The following ATP7B variants were observed in gnomAD, a reference collection of about 807,000 sequenced individuals.
ATP7B encodes copper-transporting ATPase 2.
In ATP7B, 113 loss-of-function variants were observed where a neutral mutation model predicts 118.9. The ratio of observed to expected loss-of-function variants is 0.95; its 90% CI spans 0.82 to 1.11. The LOEUF (loss-of-function observed/expected upper bound fraction) is 1.11. Among genes scored for constraint, ATP7B ranks in the 50% most tolerant of loss-of-function variants. The probability of loss-of-function intolerance (pLI) is 0.00; values close to 1 mark genes in which losing one functional copy is unlikely to be tolerated. For missense variants in ATP7B, 1,867 were observed against 1,871.4 expected (o/e 1.00, Z 0.04); for synonymous variants, 777 against 727.4 (o/e 1.07, Z -1.10).
chr13:52,003,100 G>C lies in ATP7B; in HGVS notation c.51+8187C>G, dbSNP rs917435121. On this transcript the variant is annotated intron_variant, in intron 1 of 20. Coordinates refer to ENST00000242839, the MANE Select transcript of ATP7B (RefSeq NM_000053.4). ...TTTCTTATCATTTATCTGTTCACTA[G>C]AGTAGTACTTACTTTCCTTCAAGGA... 3.3e-5 allele frequency among the ~76,000 whole-genome samples: 5 copies of C among 152,302 alleles called. No homozygotes were observed. The East Asian group carries it at 5.8e-4, about 18-fold the overall frequency.
intron 3 of ATP7B, 78 bp from the exon 4 acceptor site, chr13:51,968,685 A>C: frequency 6.6e-7 from 1 of 1,516,898 alleles, no homozygotes; most frequent in Non-Finnish European, 9.1e-7. Flanking sequence ...TAACCGAACA[A>C]AGAAACACAT....
chr13:51,978,462 A>C (rs1013720023), intron 1 of ATP7B, among the ~76,000 whole-genome samples: 6 of 152,220 alleles, frequency 3.9e-5, no homozygotes, highest in Admixed American at 3.9e-4. Flanking sequence ...AATACCTATT[A>C]AAATTACAAA....
At chr13:51,943,377 G>A (rs1443588273) in intron 14 of ATP7B, among the ~76,000 whole-genome samples, 1 of 152,158 alleles carries the variant, frequency 6.6e-6, no homozygotes, top group African/African-American at 2.4e-5. Context: ...AGAGTGGGCT[G>A]TCTGACCCTA....
At chr13:51,958,200 A>T in intron 8 of ATP7B, 111 bp downstream of exon 8, 1 of 1,272,948 alleles carries the variant, frequency 7.9e-7, no homozygotes, top group Non-Finnish European at 1.1e-6. Flanking sequence ...CTATTTCTTT[A>T]AGTCTGTCTC....
rs746358240 is a variant in ATP7B at position 51,946,368 on chromosome 13, G to T, written c.2976C>A (p.Pro992=). The stretch of plus-strand genomic sequence containing the variant: ...CCCCGGTGCCCACCATGACAGCCGT[G>T]GGCGTGGCCAGCCCCAGGGAGCAGG... ...ACPCSLGLAT[P]TAVMVGTGVA... is the part of the protein sequence containing the mutation. The change falls in exon 13 of 21, where the codon CCC becomes CCA. Residue 992 remains proline (P), a synonymous_variant. Transcript: ENST00000242839. The T allele has an allele frequency of 2.0e-5, 33 of 1,613,344 alleles. 1 individual carries two copies. The South Asian group carries it at 3.4e-4, about 17-fold the overall frequency.
At chr13:51,961,067 C>T (rs917305469) in intron 6 of ATP7B, among the ~76,000 whole-genome samples, 1 of 152,032 alleles carries the variant, frequency 6.6e-6, no homozygotes, top group Non-Finnish European at 1.5e-5. Flanking sequence ...GCCTACTGAA[C>T]CAAGCCACAG....
intron 9 of ATP7B, among the ~76,000 whole-genome samples, chr13:51,951,542 C>T (rs1958007716): frequency 6.6e-6 from 1 of 152,086 alleles, no homozygotes; most frequent in Admixed American, 6.6e-5. Context: ...ATGTAGATAG[C>T]ATTTAAAGCC....
At chr13:51,981,818 A>C (rs781312499) in intron 1 of ATP7B, among the ~76,000 whole-genome samples, 5 of 152,182 alleles carry the variant, frequency 3.3e-5, no homozygotes, top group Admixed American at 6.5e-5. Context: ...CCAATTTTTC[A>C]AACTTAAATT....
At chr13:51,996,613 G>A (rs979772671) in intron 1 of ATP7B, among the ~76,000 whole-genome samples, 1 of 152,204 alleles carries the variant, frequency 6.6e-6, no homozygotes, top group Non-Finnish European at 1.5e-5. Context: ...CAGAACACAT[G>A]CCCAAGGTCA....
intron 16 of ATP7B, among the ~76,000 whole-genome samples, chr13:51,939,416 A>G (rs1195381367): frequency 6.6e-6 from 1 of 152,238 alleles, no homozygotes; most frequent in African/African-American, 2.4e-5. Flanking sequence ...TGGCTCCCCA[A>G]GGAATAGGAT....
intron 9 of ATP7B, among the ~76,000 whole-genome samples, chr13:51,956,640 TCTC>T (rs1332315468): frequency 6.6e-6 from 1 of 151,964 alleles, no homozygotes; most frequent in Non-Finnish European, 1.5e-5. Context: ...TCTGAACACT[TCTC>T]CTTCCAGTAG....
intron 1 of ATP7B, among the ~76,000 whole-genome samples, chr13:52,002,880 A>G (rs948819832): frequency 2.0e-5 from 3 of 152,214 alleles, no homozygotes; most frequent in Non-Finnish European, 4.4e-5. Context: ...ATTTTAAAAT[A>G]TGTTATGGCA....
chr13:51,977,582 ACTTTTT>A (rs1417156146), intron 1 of ATP7B, among the ~76,000 whole-genome samples: 1 of 151,804 alleles, frequency 6.6e-6, no homozygotes, highest in Non-Finnish European at 1.5e-5. Context: ...TTTACAGTTA[ACTTTTT>A]CTTTTTATAA....
Position 51,966,994 on chromosome 13 carries a change from A to C in ATP7B, c.1707+1450T>G, listed in dbSNP as rs555228081. The C allele has an allele frequency of 2.1e-4, 341 of 1,613,356 alleles. No homozygotes were observed. The African/African-American group carries it at 4.0e-3, about 19-fold the overall frequency. ...CACAGCTGATGGCAGAAAAACACAG[A>C]CTGTCTGCAACTTTACAGATGGTGC... On this transcript the variant is annotated intron_variant, in intron 4 of 20. Transcript: ENST00000242839.
Position 51,934,328 on chromosome 13 carries a change from G to A in ATP7B, c.*428C>T. 1 of 296,472 alleles carries A rather than the reference G, an allele frequency of 3.4e-6. No individual in the cohort carries two copies. Among genetic ancestry groups the A allele is most frequent in the South Asian group, 3.5e-5 (1 of 28,202 alleles). 18.4% of individuals were successfully genotyped at this position (296,472 alleles called of 1,614,324 possible). A position where few individuals can be genotyped will look rare whatever the true frequency, so the allele number is the denominator to read the frequency against. ...TGGTCTCAGAAACATGATGCACACA[G>A]ACAGGCGTCATCAGAAAGACCCTGA... On this transcript the variant is annotated 3_prime_UTR_variant, in exon 21 of 21. Transcript: ENST00000242839.
Position 51,970,847 on chromosome 13 carries a change from C to T in ATP7B, c.1286-98G>A, listed in dbSNP as rs377550856. 46 of 1,221,560 alleles carry T rather than the reference C, an allele frequency of 3.8e-5. No homozygotes were observed. The East Asian group carries it at 6.6e-4, about 18-fold the overall frequency. 75.7% of individuals were successfully genotyped at this position (1,221,560 alleles called of 1,614,324 possible). A position where few individuals can be genotyped will look rare whatever the true frequency, so the allele number is the denominator to read the frequency against. ...GGCTCTTGGTGAGGGTTCATTGTCC[C>T]GGCTCCCACCGAGCAGCCTCAGCCC... On this transcript the variant is annotated intron_variant, in intron 2 of 20. Transcript: ENST00000242839.
chr13:52,005,308 A>G (rs1470118896), intron 1 of ATP7B, among the ~76,000 whole-genome samples: 1 of 152,238 alleles, frequency 6.6e-6, no homozygotes, highest in Non-Finnish European at 1.5e-5. Context: ...TCTTATAAGC[A>G]ATCAAGAGAA....
chr13:51,965,441 T>C (rs1951499322), intron 4 of ATP7B, among the ~76,000 whole-genome samples: 1 of 152,228 alleles, frequency 6.6e-6, no homozygotes, highest in Non-Finnish European at 1.5e-5. Flanking sequence ...TCCGTAATCC[T>C]GAGTGTTGCT....
intron 12 of ATP7B, 39 bp downstream of exon 12, chr13:51,949,623 A>C (rs1443894612): frequency 6.2e-7 from 1 of 1,608,746 alleles, no homozygotes; most frequent in Non-Finnish European, 8.5e-7. Context: ...TAGATTATTT[A>C]AAACACAACC....
Sources: gnomAD v4.1 joint callset for allele counts (sites outside exome capture counted in the v4.1 genomes callset) on GRCh38, gnomAD v4.1.1 for gene constraint, MANE v1.5 for transcripts, NCBI Gene and HGNC (gene_info 2026-07-23, HGNC 2026-07-21) for gene names.